Variants in LIFR observed in about 807,000 individuals in gnomAD.
LIFR encodes leukemia inhibitory factor receptor.
In LIFR, 84 loss-of-function variants were observed where a neutral mutation model predicts 122.2. That is an observed-to-expected ratio of 0.69 (90% CI 0.58 to 0.82). The LOEUF is 0.82. LIFR is among the 40% of genes least tolerant of loss of function. The pLI, the probability that LIFR is intolerant of heterozygous loss-of-function variation, is 0.00. For synonymous variants in LIFR, 422 were observed against 434.7 expected (o/e 0.97, Z 0.36); for missense variants, 1,294 against 1,311.6 (o/e 0.99, Z 0.21).
At chr5:38,528,585 G>C in intron 3 of LIFR, 141 bp downstream of exon 3, 1 of 691,940 alleles carries the variant, frequency 1.4e-6, no homozygotes, top group Middle Eastern at 3.9e-4. Context: ...GAAAAATGAG[G>C]CAGAGGTCAC....
chr5:38,491,842 T>C (rs1744609223), intron 14 of LIFR, among the ~76,000 whole-genome samples: 1 of 152,254 alleles, frequency 6.6e-6, no homozygotes, highest in Non-Finnish European at 1.5e-5. Flanking sequence ...TTGTAACATT[T>C]TTCTTTGGAG....
rs1482059209 is a variant in LIFR at position 38,505,373 on chromosome 5, G to C, written c.1291+532C>G. On this transcript the variant is annotated intron_variant, in intron 9 of 19. Transcript: ENST00000453190. ...ATCTTGCATGTGGTGGTGGTTACCT[G>C]AATCTATACCTATAAATTGCATAGA... Among the ~76,000 whole-genome samples the C allele has an allele frequency of 2.0e-5, 3 of 148,822 alleles. 1 individual carries two copies. The highest frequency in any genetic ancestry group is 4.2e-4 in the South Asian group (2 of 4,706).
intron 1 of LIFR, among the ~76,000 whole-genome samples, chr5:38,577,096 GAC>G (rs2112729260): frequency 1.3e-5 from 2 of 152,308 alleles, no homozygotes; most frequent in South Asian, 4.1e-4. Context: ...GACATTCAAA[GAC>G]ACCAGTTAAA....
intron 15 of LIFR, 35 bp from the exon 16 acceptor site, chr5:38,489,280 T>C (rs201164542): frequency 2.0e-6 from 3 of 1,521,470 alleles, no homozygotes; most frequent in Non-Finnish European, 2.7e-6. Context: ...TAAAGGGGAG[T>C]GTATGAATAC....
Position 38,509,109 on chromosome 5 carries a change from T to C in LIFR, c.991+1355A>G, listed in dbSNP as rs140817045. 1.6e-3 allele frequency among the ~76,000 whole-genome samples: 246 copies of C among 152,330 alleles called. 2 individuals are homozygous for C. Among genetic ancestry groups the C allele is most frequent in the African/African-American group, 5.7e-3 (237 of 41,574 alleles). On this transcript the variant is annotated intron_variant, in intron 7 of 19. Transcript: ENST00000453190. Reference sequence around the variant, plus strand: ...TAAACTATAAATTAGCTTGTTCTATTACTATGATAAAAGATTACAACACTG... The same window carrying C: ...TAAACTATAAATTAGCTTGTTCTATCACTATGATAAAAGATTACAACACTG...
chr5:38,580,667 A>C (rs746875410), intron 1 of LIFR, among the ~76,000 whole-genome samples: 23 of 152,128 alleles, frequency 1.5e-4, no homozygotes, highest in Non-Finnish European at 2.5e-4. Context: ...AAATTAATGT[A>C]TCCCAAGCAA....
At chr5:38,607,753 C>T (rs140454444) in intron 1 of LIFR, 1 of 152,238 alleles carries the variant, frequency 6.6e-6, no homozygotes, top group South Asian at 2.1e-4. Context: ...CAGAGAGGAT[C>T]TGGAACTTTC....
intron 1 of LIFR, among the ~76,000 whole-genome samples, chr5:38,543,209 G>A (rs990711983): frequency 1.3e-5 from 2 of 151,960 alleles, no homozygotes; most frequent in Non-Finnish European, 2.9e-5. Flanking sequence ...ACAATGTGGA[G>A]AAATTGGAAC....
Position 38,554,699 on chromosome 5 carries a change from T to C in LIFR, c.-20+1635A>G, listed in dbSNP as rs551316372. Reference sequence around the variant, plus strand: ...CACGTACAGAATGTTTACATGAGCATAGGCTATGTCTGGAAAGACATACAC... The same window carrying C: ...CACGTACAGAATGTTTACATGAGCACAGGCTATGTCTGGAAAGACATACAC... On this transcript the variant is annotated intron_variant, in intron 1 of 19. Transcript: ENST00000453190. 1.4e-3 allele frequency among the ~76,000 whole-genome samples: 209 copies of C among 152,268 alleles called. 1 individual carries two copies. Among genetic ancestry groups the C allele is most frequent in the African/African-American group, 4.7e-3 (196 of 41,552 alleles).
chr5:38,481,655 A>T lies in LIFR; in HGVS notation c.3234T>A (p.Pro1078=). 1 of 1,614,116 alleles carries T rather than the reference A, an allele frequency of 6.2e-7. No individual in the cohort carries two copies. Among genetic ancestry groups the T allele is most frequent in the East Asian group, 2.2e-5 (1 of 44,888 alleles). Residue 1078 remains proline (P), a synonymous_variant, in exon 20 of 20, where the codon CCT becomes CCA. Coordinates refer to ENST00000453190, the MANE Select transcript of LIFR (RefSeq NM_001127671.2). ...FLIPPKDEDS[P]KSNGGGWSFT... is the part of the protein sequence containing the mutation. ...AGGACCACCCTCCTCCATTAGATTT[A>T]GGAGAGTCTTCATCTTTAGGAGGAA...
chr5:38,567,545 T>TATTTATTTA (rs1561215418), intron 1 of LIFR, among the ~76,000 whole-genome samples: 1 of 151,336 alleles, frequency 6.6e-6, no homozygotes. Context: ...TTTATTTATT[T>TATTTATTTA]TGAAGACTGA....
intron 13 of LIFR, among the ~76,000 whole-genome samples, chr5:38,494,808 A>G (rs996138158): frequency 2.0e-5 from 3 of 152,216 alleles, no homozygotes; most frequent in Non-Finnish European, 2.9e-5. Context: ...GGATGCAGCC[A>G]TGGGAGAGTA....
At chr5:38,483,298 T>C (rs1744096754) in intron 18 of LIFR, among the ~76,000 whole-genome samples, 1 of 152,260 alleles carries the variant, frequency 6.6e-6, no homozygotes, top group South Asian at 2.1e-4. Context: ...AAGAACTGTA[T>C]TACTTGAAAT....
At chr5:38,522,948 C>G (rs561108400) in intron 5 of LIFR, among the ~76,000 whole-genome samples, 2 of 151,968 alleles carry the variant, frequency 1.3e-5, no homozygotes, top group South Asian at 4.2e-4. Flanking sequence ...AGAGGCCATT[C>G]ATAAACAGGA....
upstream of LIFR, chr5:38,559,304 A>G (rs1403871848): frequency 1.3e-5 from 2 of 152,270 alleles, no homozygotes; most frequent in East Asian, 1.9e-4. Flanking sequence ...TTCTGTAACA[A>G]AGCAAGAGCT....
At chr5:38,551,968 C>T (rs951728178) in intron 1 of LIFR, among the ~76,000 whole-genome samples, 2 of 152,170 alleles carry the variant, frequency 1.3e-5, no homozygotes, top group South Asian at 2.1e-4. Flanking sequence ...TACTTTAACT[C>T]GGGCATCTAA....
intron 1 of LIFR, among the ~76,000 whole-genome samples, chr5:38,593,434 C>T (rs959683007): frequency 1.3e-5 from 2 of 152,230 alleles, no homozygotes; most frequent in South Asian, 2.1e-4. Flanking sequence ...TCAGTTCTGT[C>T]ACATGAGACA....
chr5:38,501,277 C>T (rs1745161294), intron 11 of LIFR, among the ~76,000 whole-genome samples: 1 of 152,210 alleles, frequency 6.6e-6, no homozygotes, highest in Non-Finnish European at 1.5e-5. Flanking sequence ...ACAAGTAATT[C>T]TTACACATGT....
chr5:38,604,316 G>A (rs949211493), intron 2 of LIFR, among the ~76,000 whole-genome samples: 5 of 152,186 alleles, frequency 3.3e-5, no homozygotes, highest in Admixed American at 2.0e-4. Flanking sequence ...GCAAGGCAGC[G>A]TCTCTGACTT....
Sources: allele counts gnomAD v4.1 joint callset (sites outside exome capture counted in the v4.1 genomes callset), GRCh38; gene constraint gnomAD v4.1.1; transcripts MANE v1.5; gene names NCBI Gene and HGNC (gene_info 2026-07-23, HGNC 2026-07-21).